Variants in MYOM2 observed in about 807,000 individuals in gnomAD.
The protein encoded by MYOM2 is myomesin-2.
Under a neutral mutation model 187.6 loss-of-function variants are expected in MYOM2, and 254 were observed. The ratio of observed to expected loss-of-function variants is 1.35; its 90% CI spans 1.22 to 1.50. The LOEUF is 1.50. MYOM2 is among the 40% of genes most tolerant of loss of function. The pLI is 0.00. For synonymous variants in MYOM2, 981 were observed against 753.8 expected (o/e 1.30, Z -4.94); for missense variants, 2,796 against 1,924.0 (o/e 1.45, Z -8.48).
intron 32 of MYOM2, among the ~76,000 whole-genome samples, chr8:2,131,602 C>T (rs958848282): frequency 1.3e-5 from 2 of 151,678 alleles, no homozygotes; most frequent in African/African-American, 2.4e-5. Flanking sequence ...GTTTTATCTT[C>T]CCCAAACAAA....
rs779027327 is a variant in MYOM2, at chr8:2,092,479, C to G, written c.1962C>G (p.Asn654Lys). The change falls in exon 16 of 37, where the codon AAC (asparagine) becomes AAG (lysine). Residue 654 changes from asparagine (N) to lysine (K), a missense_variant. Coordinates refer to ENST00000262113, the MANE Select transcript of MYOM2 (RefSeq NM_003970.4). ...TGGACTGCTGTGTGGCCGGAACCAACCTCTGGGAGCCCTGCAACCACAAGC... is the reference window on the plus strand; with the variant it reads ...TGGACTGCTGTGTGGCCGGAACCAAGCTCTGGGAGCCCTGCAACCACAAGC... ...YYVDCCVAGT[N>K]LWEPCNHKPI... 30 of 1,613,986 alleles carry G rather than the reference C, an allele frequency of 1.9e-5. No individual in the cohort carries two copies. The South Asian group carries it at 3.2e-4, about 17-fold the overall frequency.
At chr8:2,130,022 A>C (rs995992038) in intron 32 of MYOM2, among the ~76,000 whole-genome samples, 1 of 152,052 alleles carries the variant, frequency 6.6e-6, no homozygotes, top group Non-Finnish European at 1.5e-5. Flanking sequence ...TGACGTGTTC[A>C]GGCCAATTAT....
chr8:2,140,116 C>T (rs759919359), intron 32 of MYOM2, among the ~76,000 whole-genome samples: 1 of 152,130 alleles, frequency 6.6e-6, no homozygotes, highest in Non-Finnish European at 1.5e-5. Context: ...CTTCCTGTCT[C>T]TGTGAATCTG....
chr8:2,120,671 T>TATATA (rs1797401661), intron 28 of MYOM2, among the ~76,000 whole-genome samples: 3 of 19,886 alleles, frequency 1.5e-4, no homozygotes, highest in Non-Finnish European at 3.1e-4. Context: ...TATATATATA[T>TATATA]ATATTATATT....
intron 8 of MYOM2, among the ~76,000 whole-genome samples, chr8:2,070,324 CGAA>C (rs1252936172): frequency 1.3e-5 from 2 of 152,214 alleles, no homozygotes; most frequent in African/African-American, 4.8e-5. Context: ...GAGAGTTGAC[CGAA>C]GCAACGATGG....
intron 25 of MYOM2, among the ~76,000 whole-genome samples, chr8:2,114,655 A>C (rs962128064): frequency 3.2e-4 from 49 of 152,200 alleles, no homozygotes; most frequent in African/African-American, 1.1e-3. Flanking sequence ...TTTTTAGTAG[A>C]GTTGGAGTTT....
chr8:2,144,275 C>T (rs1316796589), intron 36 of MYOM2, among the ~76,000 whole-genome samples: 6 of 151,502 alleles, frequency 4.0e-5, no homozygotes, highest in Non-Finnish European at 5.9e-5. Flanking sequence ...ATGGGTTTGC[C>T]AGAGGAACTG....
At position 2,116,092 on chromosome 8, in the gene MYOM2, C is replaced by T. The variant is rs747650908; in HGVS notation, c.3313C>T (p.Leu1105Phe). ...GKAKSQSSLV[L>F]IGDAFKTVLE... Reference sequence around the variant, plus strand: ...AGCCAAAAGTCAGTCTTCTCTAGTTCTTATTGGAGATGGTATGCTATATCG... The same window carrying T: ...AGCCAAAAGTCAGTCTTCTCTAGTTTTTATTGGAGATGGTATGCTATATCG... Residue 1105 changes from leucine to phenylalanine, a missense_variant, in exon 26 of 37, where the codon CTT becomes TTT. Leu to Phe is a conservative substitution (Grantham distance 22, BLOSUM62 0). Transcript: ENST00000262113. The T allele has an allele frequency of 6.2e-7, 1 of 1,610,796 alleles. No individual in the cohort carries two copies. The highest frequency in any genetic ancestry group is 1.1e-5 in the South Asian group (1 of 90,580).
chr8:2,086,841 T>G (rs564015852), intron 14 of MYOM2, among the ~76,000 whole-genome samples: 2 of 152,196 alleles, frequency 1.3e-5, no homozygotes, highest in Admixed American at 6.5e-5. Context: ...ATGGCCATGC[T>G]TGTGCACAAG....
At chr8:2,086,247 TTTG>T in intron 14 of MYOM2, among the ~76,000 whole-genome samples, 1 of 93,116 alleles carries the variant, frequency 1.1e-5, no homozygotes, top group Non-Finnish European at 2.7e-5. Flanking sequence ...TGTTGTGATC[TTTG>T]CGTGGCCCCA....
intron 6 of MYOM2, among the ~76,000 whole-genome samples, chr8:2,065,403 T>A (rs1389188962): frequency 7.2e-5 from 11 of 152,242 alleles, no homozygotes; most frequent in Admixed American, 5.2e-4. Flanking sequence ...ACCCTGTCTC[T>A]ACTAAAAATA....
chr8:2,070,238 A>C (rs936948739), intron 8 of MYOM2, among the ~76,000 whole-genome samples: 2 of 152,326 alleles, frequency 1.3e-5, no homozygotes, highest in East Asian at 1.9e-4. Flanking sequence ...CCCAGGAAGG[A>C]ACCGTACATT....
At chr8:2,085,412 T>A (rs763665656) in intron 14 of MYOM2, 22 bp downstream of exon 14, 2 of 1,585,842 alleles carry the variant, frequency 1.3e-6, no homozygotes, top group African/African-American at 2.9e-5. Flanking sequence ...GCCCGTGTCC[T>A]GGAAAAGTAG....
Position 2,093,115 on chromosome 8 carries a change from C to T in MYOM2, c.2003+595C>T, listed in dbSNP as rs548667201. On this transcript the variant is annotated intron_variant, in intron 16 of 36. Transcript: ENST00000262113. ...GATACGCGTCTTAGGAAAATGTCAG[C>T]AGCTGTCAGAACCACCCTTGTGGAT... Among the ~76,000 whole-genome samples the T allele has an allele frequency of 2.0e-5, 3 of 152,272 alleles. No homozygotes were observed. In the East Asian group the frequency reaches 5.8e-4, roughly 29 times the overall value.
chr8:2,097,506 A>G (rs1184935365), intron 18 of MYOM2, among the ~76,000 whole-genome samples: 1 of 152,048 alleles, frequency 6.6e-6, no homozygotes, highest in Non-Finnish European at 1.5e-5. Flanking sequence ...TTTAAAATCT[A>G]TTTATTTATA....
intron 14 of MYOM2, among the ~76,000 whole-genome samples, chr8:2,086,352 G>T (rs1167135067): frequency 3.6e-4 from 16 of 44,538 alleles, no homozygotes; most frequent in African/African-American, 9.8e-4. Context: ...TGTGATCTCT[G>T]CGTGGCCTCC....
chr8:2,066,412 C>A (rs574719812), intron 6 of MYOM2, among the ~76,000 whole-genome samples: 32 of 152,172 alleles, frequency 2.1e-4, no homozygotes, highest in Non-Finnish European at 3.7e-4. Context: ...GGGAGGCTGT[C>A]GCCCTTGTTT....
At chr8:2,116,746 G>C (rs1227293464) in intron 27 of MYOM2, among the ~76,000 whole-genome samples, 1 of 151,926 alleles carries the variant, frequency 6.6e-6, no homozygotes, top group Non-Finnish European at 1.5e-5. Flanking sequence ...ATACCCCAAG[G>C]GTTTATTCAA....
At chr8:2,090,648 G>A (rs1220780513) in intron 15 of MYOM2, among the ~76,000 whole-genome samples, 3 of 152,024 alleles carry the variant, frequency 2.0e-5, no homozygotes, top group Non-Finnish European at 4.4e-5. Context: ...ATAGTCCCCC[G>A]TGTGTATTTC....
Sources: gnomAD v4.1 joint callset for allele counts (sites outside exome capture counted in the v4.1 genomes callset) on GRCh38, gnomAD v4.1.1 for gene constraint, MANE v1.5 for transcripts, NCBI Gene and HGNC (gene_info 2026-07-23, HGNC 2026-07-21) for gene names.